CLK4: variants seen among roughly 807,000 people sequenced by gnomAD.
The protein encoded by CLK4 is dual specificity protein kinase CLK4.
In CLK4, 37 loss-of-function variants were observed where a neutral mutation model predicts 64.4. That is an observed-to-expected ratio of 0.57 (90% CI 0.44 to 0.76). The LOEUF (loss-of-function observed/expected upper bound fraction) is 0.76. Among genes scored for constraint, CLK4 ranks in the 30% least tolerant of loss-of-function variants. The pLI, the probability that CLK4 is intolerant of heterozygous loss-of-function variation, is 0.00. For synonymous variants in CLK4, 175 were observed against 191.6 expected, an observed-to-expected ratio of 0.91 and a Z score of 0.72; for missense variants, 457 against 605.1, an observed-to-expected ratio of 0.76 and a Z score of 2.57.
chr5:178,603,584 G>A lies in CLK4; in HGVS notation c.*33C>T. On this transcript the variant is annotated 3_prime_UTR_variant, in exon 13 of 13. Coordinates refer to ENST00000316308, the MANE Select transcript of CLK4 (RefSeq NM_020666.3). ...ACACAGTCTTAAGTAATCTCTTCTA[G>A]AGAAGTATATAGTAAGACCACTGAT... The A allele has an allele frequency of 6.8e-7, 1 of 1,473,602 alleles. No homozygotes were observed. Among genetic ancestry groups the A allele is most frequent in the Non-Finnish European group, 9.1e-7 (1 of 1,100,968 alleles). 91.3% of individuals were successfully genotyped at this position (1,473,602 alleles called of 1,614,324 possible).
chr5:178,604,243 A>T (rs539930454), intron 11 of CLK4: 12 of 192,762 alleles, frequency 6.2e-5, no homozygotes, highest in Non-Finnish European at 9.5e-5. Context: ...ATGGGGCTGG[A>T]AATCTTTAAA....
In CLK4 at chr5:178,617,585, AT is replaced by A; in HGVS notation, c.385-152del. ...GAACAGTTGGCAGGAGCAATTTCAA[AT>A]TCAGTCCCCAGAAATTCACAGGGCA... On this transcript the variant is annotated intron_variant, in intron 3 of 12. Coordinates refer to ENST00000316308, the MANE Select transcript of CLK4 (RefSeq NM_020666.3). The surrounding 1 kb of genome is among the most constrained non-coding windows in gnomAD (Gnocchi z 5.2). 1 of 870,102 alleles carries A rather than the reference AT, an allele frequency of 1.1e-6. No individual in the cohort carries two copies. Among genetic ancestry groups the A allele is most frequent in the Non-Finnish European group, 1.6e-6 (1 of 625,860 alleles). The allele number at this position is 870,102 out of a possible 1,614,324, so 53.9% of individuals were successfully genotyped here. A position where few individuals can be genotyped will look rare whatever the true frequency, so the allele number is the denominator to read the frequency against.
In CLK4 at chr5:178,613,800, G is replaced by A. The variant is rs765975776; in HGVS notation, c.586C>T (p.Arg196Cys). Reference protein sequence around the residue: ...VAVKIVKNVGRYREAARSEIQ... With the variant: ...VAVKIVKNVGCYREAARSEIQ... Reference sequence around the variant, plus strand: ...TCTGAACGAGCTGCTTCACGGTAACGGCCTACATTTTTTACGATTTTCACT... The same window carrying A: ...TCTGAACGAGCTGCTTCACGGTAACAGCCTACATTTTTTACGATTTTCACT... Residue 196 changes from arginine (R) to cysteine (C), a missense_variant, in exon 6 of 13, where the codon CGT becomes TGT. Coordinates refer to ENST00000316308, the MANE Select transcript of CLK4 (RefSeq NM_020666.3). The A allele has an allele frequency of 1.9e-6, 3 of 1,613,958 alleles. No homozygotes were observed. Among genetic ancestry groups the A allele is most frequent in the South Asian group, 1.1e-5 (1 of 91,072 alleles).
intron 2 of CLK4, among the ~76,000 whole-genome samples, chr5:178,620,853 A>G (rs1187748296): frequency 6.6e-6 from 1 of 152,228 alleles, no homozygotes; most frequent in African/African-American, 2.4e-5. Flanking sequence ...AAATGGTCAG[A>G]GAATAATTAC....
At chr5:178,624,068 T>A (rs528512813) in intron 1 of CLK4, among the ~76,000 whole-genome samples, 1 of 152,242 alleles carries the variant, frequency 6.6e-6, no homozygotes, top group Non-Finnish European at 1.5e-5. Flanking sequence ...TGATGAAGCT[T>A]CTTTTTCTCA....
rs758067420 is a variant in CLK4, at chr5:178,612,754, T to G, written c.921+42A>C. 10 of 1,227,898 alleles carry G rather than the reference T, an allele frequency of 8.1e-6. No individual in the cohort carries two copies. The South Asian group carries it at 1.3e-4, about 16-fold the overall frequency. 76.1% of individuals were successfully genotyped at this position (1,227,898 alleles called of 1,614,324 possible). ...CCAAAGATCATCAAGTTAAATTAAT[T>G]TTAAAGACAACCACCCAAATTAAAA... is the stretch of plus-strand genomic sequence containing the variant. On this transcript the variant is annotated intron_variant, in intron 8 of 12. Coordinates refer to ENST00000316308, the MANE Select transcript of CLK4 (RefSeq NM_020666.3).
chr5:178,603,951 A>G lies in CLK4; in HGVS notation c.1215-17T>C, dbSNP rs754557683. On this transcript the variant is annotated splice_polypyrimidine_tract_variant and intron_variant, in intron 11 of 12. Coordinates refer to ENST00000316308, the MANE Select transcript of CLK4 (RefSeq NM_020666.3). ...TTGCGTTTTCTACAGAAAAAAAAAA[A>G]AAGTCTGGATTAGTAAAATAACAAG... is the stretch of plus-strand genomic sequence containing the variant. The G allele has an allele frequency of 6.3e-6, 10 of 1,576,208 alleles. No individual in the cohort carries two copies. Among genetic ancestry groups the G allele is most frequent in the Admixed American group, 1.9e-5 (1 of 52,726 alleles).
intron 2 of CLK4, chr5:178,623,007 T>G: frequency 2.3e-6 from 1 of 432,040 alleles, no homozygotes; most frequent in Non-Finnish European, 4.1e-6. Flanking sequence ...TTAATACATT[T>G]CACATTCACT....
rs569458305 is a variant in CLK4 at position 178,617,441 on chromosome 5, C to T, written c.385-7G>A. 10 of 1,610,014 alleles carry T rather than the reference C, an allele frequency of 6.2e-6. No homozygotes were observed. The highest frequency in any genetic ancestry group is 1.3e-5 in the African/African-American group (1 of 74,932). ...TTTTCCTTCGGTGGCTCTTCTGGAACGGCAAGTGGGCAGCACCAAGATCGT... is the reference window on the plus strand; with the variant it reads ...TTTTCCTTCGGTGGCTCTTCTGGAATGGCAAGTGGGCAGCACCAAGATCGT... On this transcript the variant is annotated splice_polypyrimidine_tract_variant and splice_region_variant and intron_variant, in intron 3 of 12. Coordinates refer to ENST00000316308, the MANE Select transcript of CLK4 (RefSeq NM_020666.3). This position sits in a 1 kb window ranked among gnomAD's most constrained non-coding sequence, Gnocchi z 5.2.
Position 178,603,931 on chromosome 5 carries a change from T to C in CLK4, c.1218A>G (p.Lys406=). The C allele has an allele frequency of 1.3e-6, 2 of 1,595,606 alleles. No individual in the cohort carries two copies. Among genetic ancestry groups the C allele is most frequent in the Non-Finnish European group, 1.7e-6 (2 of 1,174,670 alleles). The change falls in exon 12 of 13, where the codon AAA becomes AAG. Residue 406 remains lysine (K), a synonymous_variant. Transcript: ENST00000316308. ...IPQHMIQKTR[K]RKYFHHNQLD... is the part of the protein sequence containing the mutation. Reference sequence around the variant, plus strand: ...GCTGGTTATGGTGAAAATACTTGCGTTTTCTACAGAAAAAAAAAAAAAGTC... The same window carrying C: ...GCTGGTTATGGTGAAAATACTTGCGCTTTCTACAGAAAAAAAAAAAAAGTC...
chr5:178,605,993 C>T (rs1159144762), intron 10 of CLK4: 1 of 152,118 alleles, frequency 6.6e-6, no homozygotes, highest in East Asian at 1.9e-4. Context: ...GTTTGCTAAC[C>T]CTTGTTCTGG....
At chr5:178,606,945 G>A (rs539165432) in intron 10 of CLK4, among the ~76,000 whole-genome samples, 1 of 150,302 alleles carries the variant, frequency 6.7e-6, no homozygotes, top group East Asian at 2.0e-4. Context: ...GGGTGACACA[G>A]TGAGACTCCA....
At chr5:178,622,864 A>G in intron 2 of CLK4, 1 of 184,364 alleles carries the variant, frequency 5.4e-6, no homozygotes, top group South Asian at 1.0e-4. Context: ...TGAAACAATG[A>G]GCACTACAAC....
chr5:178,611,248 C>T (rs1764552871), intron 9 of CLK4, among the ~76,000 whole-genome samples: 1 of 152,116 alleles, frequency 6.6e-6, no homozygotes, highest in Non-Finnish European at 1.5e-5. Flanking sequence ...TCTGAAAATA[C>T]CTCTCTGTCC....
chr5:178,619,824 G>A (rs550993365), intron 2 of CLK4: 138 of 1,287,892 alleles, frequency 1.1e-4, no homozygotes, highest in Non-Finnish European at 1.1e-4. Flanking sequence ...CCAGTTTCCC[G>A]TCCCCCTCTC....
At chr5:178,605,507 G>A in intron 10 of CLK4, 125 bp from the exon 11 acceptor site, 1 of 508,640 alleles carries the variant, frequency 2.0e-6, no homozygotes, top group Non-Finnish European at 3.3e-6. Context: ...AGAATAACTG[G>A]GCAAGGTTAC....
intron 2 of CLK4, chr5:178,619,899 G>T: frequency 1.4e-6 from 1 of 716,086 alleles, no homozygotes; most frequent in Non-Finnish European, 2.2e-6. Context: ...ATGGAGCACT[G>T]AGGGAGAGAG....
At position 178,617,138 on chromosome 5, in the gene CLK4, A is replaced by T; in HGVS notation, c.476-190T>A. The T allele has an allele frequency of 3.1e-6, 2 of 639,896 alleles. No individual in the cohort carries two copies. The highest frequency in any genetic ancestry group is 5.5e-6 in the Non-Finnish European group (2 of 364,104). The allele number at this position is 639,896 out of a possible 1,614,324, so 39.6% of individuals were successfully genotyped here. ...TAGATAGAGCTATCTTTCTTGCTCT[A>T]ATCTCAAATTCCACTGATTATTTTG... On this transcript the variant is annotated intron_variant, in intron 4 of 12. Transcript: ENST00000316308. The surrounding 1 kb of genome is among the most constrained non-coding windows in gnomAD (Gnocchi z 5.2).
At chr5:178,620,537 ACAGGG>A (rs1275344310) in intron 2 of CLK4, 7 of 180,004 alleles carry the variant, frequency 3.9e-5, no homozygotes, top group Non-Finnish European at 6.0e-5. Context: ...CAGGCTATGG[ACAGGG>A]TAGACAGGAT....
Sources: allele counts gnomAD v4.1 joint callset (sites outside exome capture counted in the v4.1 genomes callset), GRCh38; gene constraint gnomAD v4.1.1; non-coding constraint Gnocchi (gnomAD v3.1); transcripts MANE v1.5; gene names NCBI Gene and HGNC (gene_info 2026-07-23, HGNC 2026-07-21).